ANKRD44: variants seen among roughly 807,000 people sequenced by gnomAD.
ANKRD44 encodes serine/threonine-protein phosphatase 6 regulatory ankyrin repeat subunit B.
A neutral mutation model predicts 116.0 loss-of-function variants in ANKRD44; 35 were observed. The ratio of observed to expected loss-of-function variants is 0.30; its 90% CI spans 0.23 to 0.40. The LOEUF (loss-of-function observed/expected upper bound fraction) is 0.40, where lower values mean the gene tolerates loss of function less well. Among genes scored for constraint, ANKRD44 ranks in the 10% least tolerant of loss-of-function variants. ANKRD44 has a pLI of 1.00. For missense variants in ANKRD44, 1,014 were observed against 1,242.6 expected (o/e 0.82, Z 2.77); for synonymous variants, 435 against 461.8 (o/e 0.94, Z 0.74).
intron 1 of ANKRD44, among the ~76,000 whole-genome samples, chr2:197,204,470 G>A (rs1005057271): frequency 1.3e-5 from 2 of 152,120 alleles, no homozygotes; most frequent in East Asian, 1.9e-4. Context: ...TGAGAATAAC[G>A]AAGGGTCTGG....
rs191989327 is a variant in ANKRD44, at chr2:196,990,725, C to T, written c.2924-1076G>A. 64 of 1,232,176 alleles carry T rather than the reference C, an allele frequency of 5.2e-5. No homozygotes were observed. The East Asian group carries it at 1.1e-3, about 21-fold the overall frequency. The allele number at this position is 1,232,176 out of a possible 1,614,324, so 76.3% of individuals were successfully genotyped here. On this transcript the variant is annotated intron_variant, in intron 27 of 27. Coordinates refer to ENST00000282272, the MANE Select transcript of ANKRD44 (RefSeq NM_001195144.2). Reference sequence around the variant, plus strand: ...AATCATTTTCATTGTACCCATCCTCCGAGCCTACGTTGTTACTGCACAGGC... The same window carrying T: ...AATCATTTTCATTGTACCCATCCTCTGAGCCTACGTTGTTACTGCACAGGC...
chr2:197,289,594 A>G (rs1482008695), intron 1 of ANKRD44, among the ~76,000 whole-genome samples: 3 of 152,244 alleles, frequency 2.0e-5, no homozygotes, highest in Non-Finnish European at 4.4e-5. Context: ...CAAAATCCTT[A>G]TGCTGAGCAA....
At chr2:197,246,361 T>TTTTTTTA (rs1371416832) in intron 1 of ANKRD44, among the ~76,000 whole-genome samples, 2 of 133,480 alleles carry the variant, frequency 1.5e-5, no homozygotes, top group African/African-American at 5.7e-5. Context: ...TTTTTTTTTT[T>TTTTTTTA]TTTTTTTTTT....
intron 1 of ANKRD44, among the ~76,000 whole-genome samples, chr2:197,282,556 C>T (rs2083295590): frequency 6.6e-6 from 1 of 151,928 alleles, no homozygotes; most frequent in African/African-American, 2.4e-5. Context: ...TGAGGGCCAC[C>T]CTGGGATGTT....
chr2:197,023,386 G>A (rs1425110137), intron 17 of ANKRD44, among the ~76,000 whole-genome samples: 2 of 152,134 alleles, frequency 1.3e-5, no homozygotes, highest in East Asian at 3.9e-4. Context: ...ACCATGCACA[G>A]GTGAGTTGCT....
chr2:197,112,445 C>T (rs968393526), intron 8 of ANKRD44, among the ~76,000 whole-genome samples: 34 of 152,166 alleles, frequency 2.2e-4, no homozygotes, highest in African/African-American at 7.7e-4. Flanking sequence ...CGCAGTGGCT[C>T]ACGCCTGTAA....
At chr2:197,155,462 A>G (rs2079786370) in intron 2 of ANKRD44, among the ~76,000 whole-genome samples, 1 of 152,230 alleles carries the variant, frequency 6.6e-6, no homozygotes, top group African/African-American at 2.4e-5. Context: ...GCTTGTATGT[A>G]AAAAAGTACA....
At chr2:197,052,235 A>C (rs1043722333) in intron 16 of ANKRD44, among the ~76,000 whole-genome samples, 1 of 152,320 alleles carries the variant, frequency 6.6e-6, no homozygotes, top group Admixed American at 6.5e-5. Context: ...TGCATAGAAA[A>C]TTTGTGAGTT....
chr2:197,146,573 A>T, intron 3 of ANKRD44, among the ~76,000 whole-genome samples: 2 of 150,710 alleles, frequency 1.3e-5, no homozygotes, highest in African/African-American at 5.0e-5. Flanking sequence ...ATAGAGAGAG[A>T]GTATATAGTG....
intron 16 of ANKRD44, among the ~76,000 whole-genome samples, chr2:197,029,102 T>C (rs2076655094): frequency 6.6e-6 from 1 of 152,014 alleles, no homozygotes; most frequent in African/African-American, 2.4e-5. Context: ...TTACATTAGG[T>C]ATATCTCCTA....
chr2:197,155,662 A>T (rs188986497), intron 2 of ANKRD44, among the ~76,000 whole-genome samples: 2 of 152,344 alleles, frequency 1.3e-5, no homozygotes, highest in East Asian at 3.9e-4. Context: ...CTAAACAAAA[A>T]TTAAATCAAA....
intron 1 of ANKRD44, among the ~76,000 whole-genome samples, chr2:197,287,388 A>C (rs2083436654): frequency 6.6e-6 from 1 of 152,228 alleles, no homozygotes; most frequent in African/African-American, 2.4e-5. Flanking sequence ...GAAAAGTGTA[A>C]GAAAAAGCTG....
At chr2:197,206,650 G>A (rs1237205306) in intron 1 of ANKRD44, among the ~76,000 whole-genome samples, 1 of 152,232 alleles carries the variant, frequency 6.6e-6, no homozygotes, top group Non-Finnish European at 1.5e-5. Flanking sequence ...GGGAGGCAGA[G>A]ATTGCAGTGA....
chr2:197,241,560 T>C (rs1329470444), intron 1 of ANKRD44, among the ~76,000 whole-genome samples: 1 of 152,214 alleles, frequency 6.6e-6, no homozygotes, highest in Non-Finnish European at 1.5e-5. Flanking sequence ...AATTATTCTA[T>C]TTCCAAGTTC....
chr2:197,078,776 G>C lies in ANKRD44; in HGVS notation c.1577C>G (p.Ser526Cys), dbSNP rs775813878. The C allele has an allele frequency of 1.9e-6, 3 of 1,613,124 alleles. No homozygotes were observed. Among genetic ancestry groups the C allele is most frequent in the South Asian group, 1.1e-5 (1 of 91,074 alleles). Residue 526 changes from serine (S) to cysteine (C), a missense_variant, in exon 16 of 28, where the codon TCT becomes TGT. Coordinates refer to ENST00000282272, the MANE Select transcript of ANKRD44 (RefSeq NM_001195144.2). The part of the protein sequence containing the change: ...EFLLQNDANP[S>C]IRDKEGYNSI... ...ATTGTAACCTTCCTTGTCCCGGATAGATGGATTTGCATCATTTTGAAGCAG... is the reference window on the plus strand; with the variant it reads ...ATTGTAACCTTCCTTGTCCCGGATACATGGATTTGCATCATTTTGAAGCAG...
intron 1 of ANKRD44, among the ~76,000 whole-genome samples, chr2:197,285,746 G>C (rs1267100216): frequency 1.3e-5 from 2 of 152,018 alleles, no homozygotes; most frequent in African/African-American, 4.8e-5. Context: ...AAACAAAAAG[G>C]AAAGAAAACA....
intron 13 of ANKRD44, 72 bp downstream of exon 13, chr2:197,086,606 AAC>A (rs1316974152): frequency 1.2e-5 from 17 of 1,422,282 alleles, no homozygotes; most frequent in Non-Finnish European, 1.7e-5. Flanking sequence ...ATTTCAACCT[AAC>A]TTGATTACTA....
chr2:197,210,710 G>A (rs1559152639), intron 1 of ANKRD44, among the ~76,000 whole-genome samples: 1 of 152,174 alleles, frequency 6.6e-6, no homozygotes, highest in Non-Finnish European at 1.5e-5. Flanking sequence ...GCCACGGGTT[G>A]TGGACTGGAA....
intron 1 of ANKRD44, among the ~76,000 whole-genome samples, chr2:197,258,491 A>G (rs2082514610): frequency 1.3e-5 from 2 of 152,030 alleles, no homozygotes. Context: ...TTCATACGTC[A>G]TTGGACGTTT....
Sources: gnomAD v4.1 joint callset for allele counts (sites outside exome capture counted in the v4.1 genomes callset) on GRCh38, gnomAD v4.1.1 for gene constraint, MANE v1.5 for transcripts, NCBI Gene and HGNC (gene_info 2026-07-23, HGNC 2026-07-21) for gene names.